Variants in SCARB2 observed in about 807,000 individuals in gnomAD.
SCARB2 encodes the protein lysosome membrane protein 2.
Under a neutral mutation model 58.6 loss-of-function variants are expected in SCARB2, and 29 were observed. That is an observed-to-expected ratio of 0.49 (90% CI 0.37 to 0.67). SCARB2 has a LOEUF of 0.67. Ranked by LOEUF, SCARB2 falls within the 30% of genes least tolerant of loss-of-function variation. The pLI is 0.00. For missense variants in SCARB2, 488 were observed against 578.5 expected, an observed-to-expected ratio of 0.84 and a Z score of 1.60; for synonymous variants, 195 against 210.1, an observed-to-expected ratio of 0.93 and a Z score of 0.62.
rs1179998516 is a variant in SCARB2 at position 76,220,174 on chromosome 4, T to C, written c.-358+14129A>G. Among the ~76,000 whole-genome samples the C allele has an allele frequency of 2.6e-5, 4 of 152,118 alleles. No individual in the cohort carries two copies. The East Asian group carries it at 7.7e-4, about 29-fold the overall frequency. On this transcript the variant is annotated intron_variant, in intron 1 of 11. Coordinates refer to the SCARB2 transcript ENST00000638295. ...CTTCCTAGGTATATAACCCCCAAAA[T>C]TGAAGACAGGTACTCAAACAAATAC...
chr4:76,184,677 G>T, intron 2 of SCARB2: 1 of 238,856 alleles, frequency 4.2e-6, no homozygotes, highest in South Asian at 4.6e-5. Context: ...AGCTACTTGG[G>T]AGGCTAAGGT....
chr4:76,167,810 T>G (rs1016433392), intron 9 of SCARB2, among the ~76,000 whole-genome samples: 3 of 151,392 alleles, frequency 2.0e-5, no homozygotes, highest in African/African-American at 7.3e-5. Flanking sequence ...GCCTCCCGAA[T>G]AGCTGGGATT....
chr4:76,172,421 A>G (rs1231757792), intron 7 of SCARB2, among the ~76,000 whole-genome samples: 2 of 151,832 alleles, frequency 1.3e-5, no homozygotes, highest in East Asian at 3.9e-4. Context: ...ATGCCCAGCT[A>G]ATTTTTAAAT....
At chr4:76,197,035 C>T (rs548603000) in intron 1 of SCARB2, among the ~76,000 whole-genome samples, 4 of 152,270 alleles carry the variant, frequency 2.6e-5, no homozygotes, top group African/African-American at 7.2e-5. Flanking sequence ...GGGAAGGCCA[C>T]GTGAAAACAC....
upstream of SCARB2, among the ~76,000 whole-genome samples, chr4:76,218,799 CAGG>C (rs1286848609): frequency 6.6e-6 from 1 of 152,010 alleles, no homozygotes; most frequent in African/African-American, 2.4e-5. Context: ...GGCGAGGAGT[CAGG>C]AGATCAAAGA....
At chr4:76,172,049 T>C (rs1470893350) in intron 7 of SCARB2, among the ~76,000 whole-genome samples, 1 of 148,672 alleles carries the variant, frequency 6.7e-6, no homozygotes, top group East Asian at 1.9e-4. Flanking sequence ...ATAGCAAATA[T>C]AAGTATATGC....
At chr4:76,217,413 G>A (rs1302461116), upstream of SCARB2, among the ~76,000 whole-genome samples, 2 of 152,188 alleles carry the variant, frequency 1.3e-5, no homozygotes, top group Non-Finnish European at 2.9e-5. Context: ...GGAGGTGTTT[G>A]GGTCCTGAGG....
intron 2 of SCARB2, among the ~76,000 whole-genome samples, chr4:76,188,981 C>G (rs1445356554): frequency 1.3e-5 from 2 of 152,150 alleles, no homozygotes; most frequent in Non-Finnish European, 2.9e-5. Flanking sequence ...TCCTATGGTT[C>G]CGGCTATTAG....
chr4:76,162,182 C>CTTTGTT, intron 11 of SCARB2: 1 of 194,790 alleles, frequency 5.1e-6, no homozygotes, highest in Non-Finnish European at 1.1e-5. Flanking sequence ...AAGACAATTT[C>CTTTGTT]AATGACTGCA....
In SCARB2 at chr4:76,213,550, C is replaced by T; in HGVS notation, c.-7G>A. ...AGAAGCAGCATCGGCCCATTCTGTGCGCCGCTCACGGGCCGGGCCGGGCCG... is the reference window on the plus strand; with the variant it reads ...AGAAGCAGCATCGGCCCATTCTGTGTGCCGCTCACGGGCCGGGCCGGGCCG... On this transcript the variant is annotated 5_prime_UTR_variant, in exon 1 of 12. Transcript: ENST00000264896. The T allele has an allele frequency of 6.2e-7, 1 of 1,601,426 alleles. No homozygotes were observed. The highest frequency in any genetic ancestry group is 1.1e-5 in the South Asian group (1 of 89,558).
intron 8 of SCARB2, among the ~76,000 whole-genome samples, chr4:76,169,341 C>CACACACA (rs3217498): frequency 0.026 from 3,870 of 151,208 alleles, 148 homozygotes; most frequent in African/African-American, 0.089. Context: ...CACACACACA[C>CACACACA]GTGTGTATGT....
intron 1 of SCARB2, among the ~76,000 whole-genome samples, chr4:76,233,274 G>GT (rs1733523683): frequency 6.8e-6 from 1 of 146,918 alleles, no homozygotes; most frequent in African/African-American, 2.5e-5. Flanking sequence ...AGTTCCATGT[G>GT]TCCCCAGGCC....
Position 76,181,373 on chromosome 4 carries a change from G to A in SCARB2, c.276-272C>T, listed in dbSNP as rs116170711. The stretch of plus-strand genomic sequence containing the variant: ...GCAATAGTTGAGGGTCACCTTGACC[G>A]GGAATCAAAGCCGATGAACTCTCTC... On this transcript the variant is annotated intron_variant, in intron 2 of 11. Coordinates refer to ENST00000264896, the MANE Select transcript of SCARB2 (RefSeq NM_005506.4). Among the ~76,000 whole-genome samples, 913 of 152,196 alleles carry A rather than the reference G, an allele frequency of 6.0e-3. 18 individuals carry two copies. Among genetic ancestry groups the A allele is most frequent in the African/African-American group, 0.021 (871 of 41,512 alleles).
chr4:76,169,776 A>G, intron 8 of SCARB2, 91 bp downstream of exon 8: 1 of 1,062,000 alleles, frequency 9.4e-7, no homozygotes, highest in South Asian at 1.3e-5. Context: ...AAGTAAGGAT[A>G]TTTTTAAAGA....
At chr4:76,183,729 TG>T (rs1194477079) in intron 2 of SCARB2, among the ~76,000 whole-genome samples, 2 of 152,160 alleles carry the variant, frequency 1.3e-5, no homozygotes, top group African/African-American at 2.4e-5. Flanking sequence ...CCTGGGAGGT[TG>T]GGGGGTGGGG....
intron 7 of SCARB2, among the ~76,000 whole-genome samples, 187 bp from the exon 8 acceptor site, chr4:76,170,172 A>T (rs986502338): frequency 6.6e-6 from 1 of 152,170 alleles, no homozygotes; most frequent in Non-Finnish European, 1.5e-5. Flanking sequence ...ATTTTCTGAC[A>T]TCTCATTTAC....
rs116331834 is a variant in SCARB2 at position 76,182,311 on chromosome 4, T to C, written c.276-1210A>G. 8.4e-3 allele frequency among the ~76,000 whole-genome samples: 1,287 copies of C among 152,314 alleles called. 18 individuals carry two copies. Among genetic ancestry groups the C allele is most frequent in the South Asian group, 0.031 (148 of 4,822 alleles). The stretch of plus-strand genomic sequence containing the variant: ...AACTGTGGCTAACTGGAATTGAGAT[T>C]TGCTGTAAGTGTAAAATATATACAG... On this transcript the variant is annotated intron_variant, in intron 2 of 11. Transcript: ENST00000264896.
At position 76,183,524 on chromosome 4, in the gene SCARB2, G is replaced by A. The variant is rs867128976; in HGVS notation, c.276-2423C>T. Among the ~76,000 whole-genome samples, 3 of 152,240 alleles carry A rather than the reference G, an allele frequency of 2.0e-5. No homozygotes were observed. The South Asian group carries it at 6.2e-4, about 32-fold the overall frequency. ...ACAGATGAAGAGATGCACTGGGCAA[G>A]GTGTAGGGGAAGGAGCTCAGAACTT... On this transcript the variant is annotated intron_variant, in intron 2 of 11. Coordinates refer to ENST00000264896, the MANE Select transcript of SCARB2 (RefSeq NM_005506.4).
chr4:76,201,641 C>T (rs1732830430), intron 1 of SCARB2, among the ~76,000 whole-genome samples: 1 of 152,190 alleles, frequency 6.6e-6, no homozygotes, highest in African/African-American at 2.4e-5. Context: ...CAAGAAGAGA[C>T]AGTAACTTTC....
Sources: gnomAD v4.1 joint callset for allele counts (sites outside exome capture counted in the v4.1 genomes callset) on GRCh38, gnomAD v4.1.1 for gene constraint, MANE v1.5 for transcripts, NCBI Gene and HGNC (gene_info 2026-07-23, HGNC 2026-07-21) for gene names.